The following ELK3 variants were observed in gnomAD, a reference collection of about 807,000 sequenced individuals.
The protein encoded by ELK3 is ETS domain-containing protein Elk-3.
ELK3 carries 10 observed loss-of-function variants against 28.9 expected under a neutral mutation model. The observed-to-expected ratio is 0.35, with a 90% CI of 0.21 to 0.59. The LOEUF is 0.59. ELK3 is among the 20% of genes least tolerant of loss of function. The probability of loss-of-function intolerance (pLI) is 0.82; values close to 1 mark genes in which losing one functional copy is unlikely to be tolerated. For synonymous variants in ELK3, 272 were observed against 243.5 expected (o/e 1.12, Z -1.09); for missense variants, 463 against 517.3 (o/e 0.90, Z 1.02).
chr12:96,247,625 A>G lies in ELK3; in HGVS notation c.893A>G (p.Glu298Gly). 1.2e-6 allele frequency: 2 copies of G among 1,613,496 alleles called. No individual in the cohort carries two copies. Residue 298 changes from glutamate (E) to glycine (G), a missense_variant, in exon 3 of 5, where the codon GAA becomes GGA. By Grantham distance (98) the Glu-to-Gly change is moderately conservative. Coordinates refer to ENST00000228741, the MANE Select transcript of ELK3 (RefSeq NM_005230.4). The surrounding 1 kb of genome is among the most constrained non-coding windows in gnomAD (Gnocchi z 5.5). ...AAGGCCAAAAAACCCAAAGGCTTGG[A>G]AATCTCAGCGCCCCCGCTGGTGCTC... is the stretch of plus-strand genomic sequence containing the variant. ...PPKAKKPKGL[E>G]ISAPPLVLSG...
chr12:96,229,148 G>C (rs890925868), intron 2 of ELK3, among the ~76,000 whole-genome samples: 1 of 152,188 alleles, frequency 6.6e-6, no homozygotes, highest in African/African-American at 2.4e-5. Flanking sequence ...ACACTGATGT[G>C]TCCACTACTC....
intron 2 of ELK3, among the ~76,000 whole-genome samples, chr12:96,237,851 C>T (rs1281002449): frequency 6.6e-6 from 1 of 152,232 alleles, no homozygotes; most frequent in East Asian, 1.9e-4. Context: ...GATACAGTAA[C>T]TACTTGTTCT....
chr12:96,229,005 C>T (rs542301503), intron 2 of ELK3, among the ~76,000 whole-genome samples: 6 of 152,298 alleles, frequency 3.9e-5, no homozygotes, highest in East Asian at 1.9e-4. Flanking sequence ...TGTATTATGT[C>T]GTAGCTGTCT....
chr12:96,244,743 T>C (rs1951844972), intron 2 of ELK3, among the ~76,000 whole-genome samples: 1 of 152,138 alleles, frequency 6.6e-6, no homozygotes, highest in Admixed American at 6.5e-5. Context: ...GCCAGCACAC[T>C]TTCTTTTTAA....
At chr12:96,233,149 C>T (rs954379846) in intron 2 of ELK3, among the ~76,000 whole-genome samples, 1 of 152,142 alleles carries the variant, frequency 6.6e-6, no homozygotes, top group African/African-American at 2.4e-5. Context: ...CCTATCACAC[C>T]TTCAGCATGA....
At chr12:96,204,610 A>T (rs1245510835) in intron 1 of ELK3, among the ~76,000 whole-genome samples, 1 of 152,222 alleles carries the variant, frequency 6.6e-6, no homozygotes, top group African/African-American at 2.4e-5. Context: ...AGCAGCAGCA[A>T]CATCAAAATA....
At chr12:96,232,292 T>C (rs1266738199) in intron 2 of ELK3, among the ~76,000 whole-genome samples, 1 of 152,030 alleles carries the variant, frequency 6.6e-6, no homozygotes, top group Non-Finnish European at 1.5e-5. Context: ...AAAAGCTGGC[T>C]GGGTGCGGTG....
chr12:96,230,417 G>C (rs1325094711), intron 2 of ELK3, among the ~76,000 whole-genome samples: 1 of 152,176 alleles, frequency 6.6e-6, no homozygotes, highest in African/African-American at 2.4e-5. Flanking sequence ...CTTAAAAGGA[G>C]AGTGTTGGTT....
chr12:96,214,335 G>GC (rs1395628947), intron 1 of ELK3, among the ~76,000 whole-genome samples: 1 of 151,978 alleles, frequency 6.6e-6, no homozygotes, highest in Non-Finnish European at 1.5e-5. Context: ...GGAGGCTGAG[G>GC]CACGAGAATC....
At chr12:96,253,185 G>A (rs1219304072) in intron 3 of ELK3, among the ~76,000 whole-genome samples, 1 of 152,202 alleles carries the variant, frequency 6.6e-6, no homozygotes, top group East Asian at 1.9e-4. Context: ...ACTTGAACCT[G>A]GGAGGTGGAG....
chr12:96,237,762 A>C (rs535413925), intron 2 of ELK3, among the ~76,000 whole-genome samples: 4 of 152,378 alleles, frequency 2.6e-5, no homozygotes, highest in African/African-American at 9.6e-5. Context: ...ACTGCATTCC[A>C]GCCTGGGCAA....
chr12:96,249,285 G>C (rs1951884323), intron 3 of ELK3, among the ~76,000 whole-genome samples: 1 of 152,202 alleles, frequency 6.6e-6, no homozygotes, highest in Non-Finnish European at 1.5e-5. Context: ...GCACCTGAAA[G>C]CAGCTCTGGG....
chr12:96,197,543 T>G (rs1951479966), intron 1 of ELK3, among the ~76,000 whole-genome samples: 1 of 152,244 alleles, frequency 6.6e-6, no homozygotes, highest in Non-Finnish European at 1.5e-5. Flanking sequence ...TCTCTTTCTC[T>G]TTTTGGTCAG....
intron 2 of ELK3, among the ~76,000 whole-genome samples, chr12:96,229,006 G>A (rs557185976): frequency 2.6e-5 from 4 of 152,186 alleles, no homozygotes; most frequent in East Asian, 1.9e-4. Context: ...GTATTATGTC[G>A]TAGCTGTCTG....
intron 3 of ELK3, among the ~76,000 whole-genome samples, chr12:96,250,009 G>T (rs1363880717): frequency 2.0e-5 from 3 of 152,170 alleles, no homozygotes; most frequent in Admixed American, 6.5e-5. Flanking sequence ...GTGCCAGGAA[G>T]CCCAGAAATG....
chr12:96,259,936 T>A, intron 4 of ELK3, 83 bp downstream of exon 4: 1 of 1,469,554 alleles, frequency 6.8e-7, no homozygotes, highest in Non-Finnish European at 9.0e-7. Flanking sequence ...TAACGGTGAG[T>A]TTTGCCATAT....
At chr12:96,219,577 G>C (rs1951648150) in intron 1 of ELK3, among the ~76,000 whole-genome samples, 1 of 152,110 alleles carries the variant, frequency 6.6e-6, no homozygotes, top group South Asian at 2.1e-4. Flanking sequence ...AGAGCGCTGT[G>C]GCAGCTGGTG....
intron 1 of ELK3, among the ~76,000 whole-genome samples, chr12:96,217,798 C>T (rs554401360): frequency 2.0e-5 from 3 of 151,816 alleles, no homozygotes; most frequent in Non-Finnish European, 2.9e-5. Context: ...ATTAGCTGGG[C>T]GTGGTGGTGC....
intron 2 of ELK3, among the ~76,000 whole-genome samples, chr12:96,229,505 CTG>C (rs1448999247): frequency 1.4e-5 from 2 of 140,192 alleles, no homozygotes; most frequent in East Asian, 4.2e-4. Context: ...TCTCCCCATT[CTG>C]TGTGTCCAGA....
Sources: gnomAD v4.1 joint callset for allele counts (sites outside exome capture counted in the v4.1 genomes callset) on GRCh38, gnomAD v4.1.1 for gene constraint, Gnocchi (gnomAD v3.1) non-coding constraint, MANE v1.5 for transcripts, NCBI Gene and HGNC (gene_info 2026-07-23, HGNC 2026-07-21) for gene names.